Variants in PCLO observed in about 807,000 individuals in gnomAD.
The protein encoded by PCLO is piccolo presynaptic cytomatrix protein.
PCLO carries 82 observed loss-of-function variants against 427.5 expected under a neutral mutation model. The ratio of observed to expected loss-of-function variants is 0.19; its 90% CI spans 0.16 to 0.23. The LOEUF (loss-of-function observed/expected upper bound fraction) is 0.23. Ranked by LOEUF, PCLO falls within the 10% of genes least tolerant of loss-of-function variation. The pLI, the probability that PCLO is intolerant of heterozygous loss-of-function variation, is 1.00. For synonymous variants in PCLO, 2,357 were observed against 2,155.4 expected, an observed-to-expected ratio of 1.09 and a Z score of -2.59; for missense variants, 6,239 against 6,115.9, an observed-to-expected ratio of 1.02 and a Z score of -0.67.
chr7:82,760,194 A>G (rs2129467515), intron 24 of PCLO, among the ~76,000 whole-genome samples: 1 of 152,100 alleles, frequency 6.6e-6, no homozygotes, highest in South Asian at 2.1e-4. Flanking sequence ...ACTTTGGAGG[A>G]CTCTGAATGA....
intron 20 of PCLO, among the ~76,000 whole-genome samples, chr7:82,814,329 C>G (rs1212853093): frequency 6.6e-6 from 1 of 151,376 alleles, no homozygotes; most frequent in East Asian, 1.9e-4. Flanking sequence ...ATATAAGATA[C>G]AGAAAATTTG....
chr7:82,931,833 TAA>T (rs1794846889), intron 6 of PCLO, among the ~76,000 whole-genome samples: 1 of 152,074 alleles, frequency 6.6e-6, no homozygotes, highest in Non-Finnish European at 1.5e-5. Context: ...AGCCCTCACT[TAA>T]AGAGAGGGGA....
intron 24 of PCLO, among the ~76,000 whole-genome samples, chr7:82,759,555 C>T (rs1476509018): frequency 1.3e-5 from 2 of 151,868 alleles, no homozygotes; most frequent in Non-Finnish European, 2.9e-5. Flanking sequence ...TCCCTGACTA[C>T]GTAATCTCTG....
chr7:83,003,926 T>TAA (rs548822286), intron 3 of PCLO, among the ~76,000 whole-genome samples: 19 of 143,926 alleles, frequency 1.3e-4, no homozygotes, highest in African/African-American at 4.8e-4. Flanking sequence ...TTGTATTAAC[T>TAA]AAAAAAAAAA....
chr7:83,161,619 A>G (rs957349077), intron 1 of PCLO, among the ~76,000 whole-genome samples: 4 of 152,202 alleles, frequency 2.6e-5, no homozygotes, highest in Non-Finnish European at 4.4e-5. Context: ...ATTGAAAATT[A>G]TTTTCTAAGG....
intron 9 of PCLO, among the ~76,000 whole-genome samples, chr7:82,901,660 T>A (rs1794043102): frequency 6.6e-6 from 1 of 151,898 alleles, no homozygotes; most frequent in Non-Finnish European, 1.5e-5. Context: ...GGGAGAAAAT[T>A]TTTGCAACCT....
chr7:82,992,614 G>T (rs545771334), intron 3 of PCLO, among the ~76,000 whole-genome samples: 61 of 152,002 alleles, frequency 4.0e-4, no homozygotes, highest in Non-Finnish European at 7.4e-4. Context: ...TAAAGGGAAG[G>T]AGAGCATTAG....
intron 10 of PCLO, among the ~76,000 whole-genome samples, chr7:82,864,714 C>T (rs1040816899): frequency 6.6e-6 from 1 of 151,988 alleles, no homozygotes; most frequent in African/African-American, 2.4e-5. Context: ...GTAATTGCCT[C>T]TATTTTGACA....
chr7:82,760,628 T>C lies in PCLO; in HGVS notation c.15288+11A>G. Reference sequence around the variant, plus strand: ...GAAGTTTCAAATATGAACTACATAATACAGAGCTACCTGAAGAGAATGTCC... The same window carrying C: ...GAAGTTTCAAATATGAACTACATAACACAGAGCTACCTGAAGAGAATGTCC... On this transcript the variant is annotated intron_variant, in intron 24 of 24. Transcript: ENST00000333891. The C allele has an allele frequency of 6.4e-7, 1 of 1,564,406 alleles. No homozygotes were observed. Among genetic ancestry groups the C allele is most frequent in the East Asian group, 2.3e-5 (1 of 44,202 alleles).
chr7:82,867,427 C>T (rs947161602), intron 10 of PCLO, among the ~76,000 whole-genome samples: 1 of 152,088 alleles, frequency 6.6e-6, no homozygotes, highest in Admixed American at 6.6e-5. Flanking sequence ...CAATAAGTAC[C>T]AGATCTGAAT....
At chr7:82,799,834 G>A (rs938494828) in intron 22 of PCLO, among the ~76,000 whole-genome samples, 41 of 152,268 alleles carry the variant, frequency 2.7e-4, no homozygotes, top group African/African-American at 9.4e-4. Context: ...AGCTTATGGG[G>A]ACAATAGCTA....
At position 82,953,324 on chromosome 7, in the gene PCLO, G is replaced by A. The variant is rs1322918352; in HGVS notation, c.7629C>T (p.Thr2543=). 2 of 1,613,756 alleles carry A rather than the reference G, an allele frequency of 1.2e-6. No individual in the cohort carries two copies. The highest frequency in any genetic ancestry group is 2.2e-5 in the South Asian group (2 of 91,080). The change falls in exon 5 of 25, where the codon ACC becomes ACT. Residue 2543 remains threonine (T), a synonymous_variant. Transcript: ENST00000333891. ...AATCTGCTGAAGTCACTAAATTTAA[G>A]GTCATACTTGAAGTTAAAGATAGGC... is the stretch of plus-strand genomic sequence containing the variant. The part of the protein sequence containing the change: ...PTGLSLTSSM[T]LNLVTSADYK...
rs189498788 is a variant in PCLO, at chr7:82,912,967, T to C, written c.13300+1719A>G. ...TTTTGTTATTTTATAGACATGACTA[T>C]TGGATAAACTCTTTACTCTTCTGCA... On this transcript the variant is annotated intron_variant, in intron 7 of 24. Coordinates refer to ENST00000333891, the MANE Select transcript of PCLO (RefSeq NM_033026.6). Among the ~76,000 whole-genome samples the C allele has an allele frequency of 4.7e-3, 716 of 152,156 alleles. 5 individuals carry two copies. Among genetic ancestry groups the C allele is most frequent in the African/African-American group, 0.016 (684 of 41,572 alleles).
At chr7:83,138,459 G>C (rs901551773) in intron 2 of PCLO, among the ~76,000 whole-genome samples, 4 of 152,058 alleles carry the variant, frequency 2.6e-5, no homozygotes, top group African/African-American at 9.7e-5. Flanking sequence ...TCAGGAGTTC[G>C]AGACCAGCCT....
intron 3 of PCLO, among the ~76,000 whole-genome samples, chr7:83,006,647 T>A (rs973284564): frequency 1.3e-5 from 2 of 151,524 alleles, no homozygotes; most frequent in Non-Finnish European, 3.0e-5. Context: ...TTCATTTCAA[T>A]TAAGTGCCCC....
chr7:83,109,014 G>A (rs1178790214), intron 3 of PCLO, among the ~76,000 whole-genome samples: 1 of 106,332 alleles, frequency 9.4e-6, no homozygotes, highest in Non-Finnish European at 1.9e-5. Context: ...TGGAAAGTTT[G>A]GACTCTTACC....
At chr7:83,009,321 A>G (rs1366855141) in intron 3 of PCLO, among the ~76,000 whole-genome samples, 1 of 151,856 alleles carries the variant, frequency 6.6e-6, no homozygotes, top group African/African-American at 2.4e-5. Flanking sequence ...TGGACAAATC[A>G]TTTTGATACT....
At chr7:82,926,162 T>G (rs111572418) in intron 6 of PCLO, among the ~76,000 whole-genome samples, 1,558 of 152,284 alleles carry the variant, frequency 0.01, 23 homozygotes, top group African/African-American at 0.036. Context: ...GGGCACAGTG[T>G]TTTGCATGTA....
intron 3 of PCLO, among the ~76,000 whole-genome samples, chr7:83,006,196 A>G (rs1256978184): frequency 6.6e-6 from 1 of 151,700 alleles, no homozygotes; most frequent in Non-Finnish European, 1.5e-5. Context: ...ACCATTTTAA[A>G]TGAGATCAAC....
Sources: gnomAD v4.1 joint callset for allele counts (sites outside exome capture counted in the v4.1 genomes callset) on GRCh38, gnomAD v4.1.1 for gene constraint, MANE v1.5 for transcripts, NCBI Gene and HGNC (gene_info 2026-07-23, HGNC 2026-07-21) for gene names.